AGAP1: variants seen among roughly 807,000 people sequenced by gnomAD.
AGAP1 encodes the protein arf-GAP with GTPase, ANK repeat and PH domain-containing protein 1.
In AGAP1, 29 loss-of-function variants were observed where a neutral mutation model predicts 105.3. The observed-to-expected ratio is 0.28, with a 90% CI of 0.21 to 0.38. AGAP1 has a LOEUF of 0.38. Among genes scored for constraint, AGAP1 ranks in the 10% least tolerant of loss-of-function variants. AGAP1 has a pLI of 1.00. For missense variants in AGAP1, 998 were observed against 1,165.1 expected (o/e 0.86, Z 2.09); for synonymous variants, 509 against 485.9 (o/e 1.05, Z -0.63).
In AGAP1 at chr2:236,087,401, T is replaced by C. The variant is rs867629909; in HGVS notation, c.2115-32791T>C. On this transcript the variant is annotated intron_variant, in intron 16 of 17. Transcript: ENST00000304032. The surrounding 1 kb of genome is among the most constrained non-coding windows in gnomAD (Gnocchi z 5.7). Reference sequence around the variant, plus strand: ...TGCTCCAAGGACAGACAACCTCGTCTTGCAGGATCATTTACCTTTTATATT... The same window carrying C: ...TGCTCCAAGGACAGACAACCTCGTCCTGCAGGATCATTTACCTTTTATATT... Among the ~76,000 whole-genome samples the C allele has an allele frequency of 6.6e-6, 1 of 152,190 alleles. No individual in the cohort carries two copies. Among genetic ancestry groups the C allele is most frequent in the Non-Finnish European group, 1.5e-5 (1 of 68,030 alleles).
Position 235,953,304 on chromosome 2 carries a change from A to G in AGAP1, c.1484-15158A>G, listed in dbSNP as rs867592379. On this transcript the variant is annotated intron_variant, in intron 12 of 17. Coordinates refer to ENST00000304032, the MANE Select transcript of AGAP1 (RefSeq NM_001037131.3). The surrounding 1 kb of genome is among the most constrained non-coding windows in gnomAD (Gnocchi z 5.2). ...AAAAAAGTACCCCGATGGTTCCCAC[A>G]GTTGCCTTCTAACATAACAAAAGGT... Among the ~76,000 whole-genome samples the G allele has an allele frequency of 1.1e-4, 16 of 152,360 alleles. No individual in the cohort carries two copies. The highest frequency in any genetic ancestry group is 3.6e-4 in the African/African-American group (15 of 41,594).
intron 16 of AGAP1, among the ~76,000 whole-genome samples, chr2:236,115,497 T>C (rs1448312074): frequency 6.6e-6 from 1 of 152,184 alleles, no homozygotes; most frequent in African/African-American, 2.4e-5. Flanking sequence ...CCTTTGGGCA[T>C]TGCAGAAAGT....
chr2:235,623,561 T>C lies in AGAP1; in HGVS notation c.164-85618T>C, dbSNP rs1946552199. On this transcript the variant is annotated intron_variant, in intron 1 of 17. Coordinates refer to ENST00000304032, the MANE Select transcript of AGAP1 (RefSeq NM_001037131.3). This position sits in a 1 kb window ranked among gnomAD's most constrained non-coding sequence, Gnocchi z 4.5. ...CCTGTGCTGCTGGGCCTTCACAGCATGGTGCTCCCAAGCTAGTTGCTGAAG... is the reference window on the plus strand; with the variant it reads ...CCTGTGCTGCTGGGCCTTCACAGCACGGTGCTCCCAAGCTAGTTGCTGAAG... Among the ~76,000 whole-genome samples, 1 of 152,148 alleles carries C rather than the reference T, an allele frequency of 6.6e-6. No individual in the cohort carries two copies. Among genetic ancestry groups the C allele is most frequent in the Non-Finnish European group, 1.5e-5 (1 of 68,036 alleles).
At chr2:236,100,784 C>T (rs1282174903) in intron 16 of AGAP1, among the ~76,000 whole-genome samples, 2 of 150,760 alleles carry the variant, frequency 1.3e-5, no homozygotes, top group Non-Finnish European at 2.9e-5. Flanking sequence ...GAGCCGAGAT[C>T]GTGTCACTGC....
At position 235,874,689 on chromosome 2, in the gene AGAP1, T is replaced by C. The variant is rs1182367548; in HGVS notation, c.1051-8656T>C. ...CTTCGTCATGTTTCTGGCTTTGCCTTCATCTATTCTGGAAATTTCAAGAGA... is the reference window on the plus strand; with the variant it reads ...CTTCGTCATGTTTCTGGCTTTGCCTCCATCTATTCTGGAAATTTCAAGAGA... On this transcript the variant is annotated intron_variant, in intron 9 of 17. Transcript: ENST00000304032. This position sits in a 1 kb window ranked among gnomAD's most constrained non-coding sequence, Gnocchi z 4.5. Among the ~76,000 whole-genome samples, 1 of 152,176 alleles carries C rather than the reference T, an allele frequency of 6.6e-6. No individual in the cohort carries two copies. Among genetic ancestry groups the C allele is most frequent in the Non-Finnish European group, 1.5e-5 (1 of 68,034 alleles).
At chr2:236,069,427 C>CT (rs939902215) in intron 16 of AGAP1, among the ~76,000 whole-genome samples, 1 of 151,962 alleles carries the variant, frequency 6.6e-6, no homozygotes, top group Non-Finnish European at 1.5e-5. Context: ...AACAGTGCAA[C>CT]TTTGTTTTTC....
rs374726854 is a variant in AGAP1 at position 236,000,124 on chromosome 2, T to C, written c.1645+31501T>C. ...CATCCATCGGGAGGACACACACCCC[T>C]GCAGGCCAGCTTTTGTCTCAACATC... On this transcript the variant is annotated intron_variant, in intron 13 of 17. Transcript: ENST00000304032. The surrounding 1 kb of genome is among the most constrained non-coding windows in gnomAD (Gnocchi z 4.3). Among the ~76,000 whole-genome samples the C allele has an allele frequency of 1.6e-4, 25 of 152,286 alleles. 1 individual carries two copies. In the South Asian group the frequency reaches 3.9e-3, roughly 24 times the overall value.
intron 9 of AGAP1, among the ~76,000 whole-genome samples, chr2:235,828,326 A>G (rs1208292018): frequency 6.6e-6 from 1 of 152,124 alleles, no homozygotes; most frequent in Admixed American, 6.5e-5. Flanking sequence ...AGACCCCTAG[A>G]GTAGCTCTCA....
rs888568873 is a variant in AGAP1 at position 235,578,452 on chromosome 2, G to A, written c.163+83603G>A. 6.6e-6 allele frequency among the ~76,000 whole-genome samples: 1 copy of A among 152,338 alleles called. No individual in the cohort carries two copies. The highest frequency in any genetic ancestry group is 2.1e-4 in the South Asian group (1 of 4,828). On this transcript the variant is annotated intron_variant, in intron 1 of 17. Transcript: ENST00000304032. The surrounding 1 kb of genome is among the most constrained non-coding windows in gnomAD (Gnocchi z 4.9). ...GTGCCACTGAGCTGCACACTTAAAA[G>A]TGGGTAGAATGATGCATTTTGTGTG...
intron 6 of AGAP1, among the ~76,000 whole-genome samples, chr2:235,762,024 G>T (rs534986272): frequency 6.6e-6 from 1 of 150,734 alleles, no homozygotes; most frequent in South Asian, 2.1e-4. Context: ...CAGGAGAATC[G>T]ATTGAACCCA....
chr2:235,762,527 A>G (rs1414542364), intron 6 of AGAP1, among the ~76,000 whole-genome samples: 8 of 152,204 alleles, frequency 5.3e-5, no homozygotes, highest in African/African-American at 1.9e-4. Context: ...TCTCCCTGAT[A>G]TAAGCAAAAG....
At chr2:235,886,852 C>T (rs1310695580) in intron 10 of AGAP1, among the ~76,000 whole-genome samples, 1 of 152,088 alleles carries the variant, frequency 6.6e-6, no homozygotes, top group Non-Finnish European at 1.5e-5. Context: ...TGTGGAGAGG[C>T]AGTGACTTCC....
chr2:235,566,680 C>T lies in AGAP1; in HGVS notation c.163+71831C>T. On this transcript the variant is annotated intron_variant, in intron 1 of 17. Transcript: ENST00000304032. This position sits in a 1 kb window ranked among gnomAD's most constrained non-coding sequence, Gnocchi z 5.2. Reference sequence around the variant, plus strand: ...AGGACCAGCCGGGACCGGGGAGAGGCTGTTCGAGGAACACAGGATGCATAT... The same window carrying T: ...AGGACCAGCCGGGACCGGGGAGAGGTTGTTCGAGGAACACAGGATGCATAT... 1.2e-6 allele frequency: 1 copy of T among 854,312 alleles called. No homozygotes were observed. The highest frequency in any genetic ancestry group is 1.4e-6 in the Non-Finnish European group (1 of 710,316). The allele number at this position is 854,312 out of a possible 1,614,324, so 52.9% of individuals were successfully genotyped here. A position where few individuals can be genotyped will look rare whatever the true frequency, so the allele number is the denominator to read the frequency against.
intron 1 of AGAP1, among the ~76,000 whole-genome samples, chr2:235,632,447 G>A (rs1946860466): frequency 6.6e-6 from 1 of 152,182 alleles, no homozygotes. Context: ...CGTCCATTAC[G>A]CTTGCAGTAG....
intron 6 of AGAP1, among the ~76,000 whole-genome samples, chr2:235,760,134 A>T (rs1242490382): frequency 6.6e-6 from 1 of 152,220 alleles, no homozygotes; most frequent in Non-Finnish European, 1.5e-5. Flanking sequence ...TAATCTAAGC[A>T]CTTTGGGAGG....
chr2:235,759,088 C>G, intron 6 of AGAP1, among the ~76,000 whole-genome samples: 1 of 151,950 alleles, frequency 6.6e-6, no homozygotes, highest in Non-Finnish European at 1.5e-5. Flanking sequence ...GCCATGGCAC[C>G]CGGTCATATA....
intron 16 of AGAP1, among the ~76,000 whole-genome samples, chr2:236,084,193 G>A (rs1459192600): frequency 6.6e-6 from 1 of 151,646 alleles, no homozygotes; most frequent in Non-Finnish European, 1.5e-5. Context: ...CTGTAATGAT[G>A]GTTCGCTTTA....
chr2:235,941,300 A>T (rs1228316231), intron 12 of AGAP1, among the ~76,000 whole-genome samples: 1 of 152,196 alleles, frequency 6.6e-6, no homozygotes, highest in East Asian at 1.9e-4. Context: ...AATAGGGATT[A>T]TGTAGATTAG....
intron 9 of AGAP1, among the ~76,000 whole-genome samples, chr2:235,861,015 A>G (rs2048907378): frequency 6.6e-6 from 1 of 152,162 alleles, no homozygotes; most frequent in Non-Finnish European, 1.5e-5. Context: ...AGGCAAGGAG[A>G]CAATTGTTAC....
Sources: gnomAD v4.1 joint callset for allele counts (sites outside exome capture counted in the v4.1 genomes callset) on GRCh38, gnomAD v4.1.1 for gene constraint, Gnocchi (gnomAD v3.1) non-coding constraint, MANE v1.5 for transcripts, NCBI Gene and HGNC (gene_info 2026-07-23, HGNC 2026-07-21) for gene names.